EPC2: variants seen among roughly 807,000 people sequenced by gnomAD.
The protein encoded by EPC2 is enhancer of polycomb 2.
In EPC2, 14 loss-of-function variants were observed where a neutral mutation model predicts 92.1. That is an observed-to-expected ratio of 0.15 (90% CI 0.10 to 0.24). EPC2 has a LOEUF of 0.24. EPC2 is among the 10% of genes least tolerant of loss of function. The pLI is 1.00. For synonymous variants in EPC2, 340 were observed against 334.7 expected (o/e 1.02, Z -0.17); for missense variants, 755 against 971.5 (o/e 0.78, Z 2.96).
rs551012579 is a variant in EPC2, at chr2:148,681,540, C to T, written c.154-8674C>T. 1.4e-3 allele frequency among the ~76,000 whole-genome samples: 206 copies of T among 152,072 alleles called. 1 individual carries two copies. The highest frequency in any genetic ancestry group is 4.7e-3 in the African/African-American group (193 of 41,476). On this transcript the variant is annotated intron_variant, in intron 1 of 13. Transcript: ENST00000258484. Reference sequence around the variant, plus strand: ...GTTTTCTTAAAAACAGTTTTGACTGCGATCGACAATAAAAAACATTTTACA... The same window carrying T: ...GTTTTCTTAAAAACAGTTTTGACTGTGATCGACAATAAAAAACATTTTACA...
At chr2:148,683,824 C>T (rs1681460584) in intron 1 of EPC2, among the ~76,000 whole-genome samples, 1 of 152,192 alleles carries the variant, frequency 6.6e-6, no homozygotes, top group Admixed American at 6.5e-5. Flanking sequence ...AATTGTACTG[C>T]TGTAAATGCG....
intron 2 of EPC2, among the ~76,000 whole-genome samples, chr2:148,730,299 C>T (rs1682590938): frequency 6.6e-6 from 1 of 152,158 alleles, no homozygotes; most frequent in Admixed American, 6.5e-5. Flanking sequence ...GATTATGGTG[C>T]TTGGGTTGCT....
chr2:148,770,690 C>T, intron 8 of EPC2, 102 bp from the exon 9 acceptor site: 1 of 1,208,280 alleles, frequency 8.3e-7, no homozygotes, highest in Non-Finnish European at 1.1e-6. Context: ...TTTAATTGTT[C>T]TGCTAATGTT....
intron 2 of EPC2, among the ~76,000 whole-genome samples, chr2:148,703,884 T>C (rs530658765): frequency 3.8e-4 from 58 of 152,294 alleles, no homozygotes; most frequent in African/African-American, 1.4e-3. Flanking sequence ...TTAGAATGGC[T>C]ACTATCAAAA....
At chr2:148,694,254 T>G (rs997691943) in intron 2 of EPC2, among the ~76,000 whole-genome samples, 2 of 152,172 alleles carry the variant, frequency 1.3e-5, no homozygotes, top group African/African-American at 4.8e-5. Context: ...AACTGTTAAT[T>G]TAGCCCAAAA....
intron 2 of EPC2, among the ~76,000 whole-genome samples, chr2:148,700,404 G>A (rs959963835): frequency 1.2e-4 from 19 of 152,080 alleles, no homozygotes; most frequent in African/African-American, 4.6e-4. Flanking sequence ...TTTGTGAAGG[G>A]TATAAGTTCT....
Position 148,673,922 on chromosome 2 carries a change from A to G in EPC2, c.154-16292A>G, listed in dbSNP as rs1274373032. On this transcript the variant is annotated intron_variant, in intron 1 of 13. Transcript: ENST00000258484. ...TTTACTTGTCTATCATTGTTCTCTT[A>G]TAGTACATTGATCCTCTTTAAGACA... is the stretch of plus-strand genomic sequence containing the variant. Among the ~76,000 whole-genome samples the G allele has an allele frequency of 2.0e-5, 3 of 152,102 alleles. No individual in the cohort carries two copies. The East Asian group carries it at 5.8e-4, about 29-fold the overall frequency.
chr2:148,702,607 C>T (rs1012763924), intron 2 of EPC2, among the ~76,000 whole-genome samples: 1 of 152,148 alleles, frequency 6.6e-6, no homozygotes, highest in Admixed American at 6.6e-5. Context: ...GCCTAGTCTC[C>T]TGCAGTGAGA....
chr2:148,727,901 C>G (rs555141636), intron 2 of EPC2, among the ~76,000 whole-genome samples: 1 of 152,184 alleles, frequency 6.6e-6, no homozygotes, highest in Non-Finnish European at 1.5e-5. Flanking sequence ...ACTCTCCACT[C>G]CAACCACCCC....
intron 4 of EPC2, among the ~76,000 whole-genome samples, chr2:148,758,334 A>C (rs1432604943): frequency 6.6e-6 from 1 of 152,194 alleles, no homozygotes; most frequent in African/African-American, 2.4e-5. Flanking sequence ...TATTAAACTT[A>C]AGGGGGGAAG....
intron 8 of EPC2, among the ~76,000 whole-genome samples, chr2:148,770,113 A>G (rs1683487320): frequency 6.6e-6 from 1 of 152,136 alleles, no homozygotes; most frequent in African/African-American, 2.4e-5. Context: ...TGGTGCAATC[A>G]TACAGTTCAC....
At chr2:148,713,523 T>G (rs1028062698) in intron 2 of EPC2, among the ~76,000 whole-genome samples, 2 of 152,206 alleles carry the variant, frequency 1.3e-5, no homozygotes, top group African/African-American at 4.8e-5. Flanking sequence ...AAAAAATTTT[T>G]TTTAAGTTTA....
At chr2:148,734,867 A>G (rs756260833) in intron 2 of EPC2, among the ~76,000 whole-genome samples, 22 of 149,376 alleles carry the variant, frequency 1.5e-4, no homozygotes, top group Admixed American at 4.7e-4. Flanking sequence ...ATGTGTCAGT[A>G]GTTTGATCTT....
At position 148,754,283 on chromosome 2, in the gene EPC2, G is replaced by A. The variant is rs1683139292; in HGVS notation, c.666+150G>A. The A allele has an allele frequency of 1.2e-5, 8 of 690,238 alleles. No individual in the cohort carries two copies. In the Admixed American group the frequency reaches 2.4e-4, roughly 21 times the overall value. The allele number at this position is 690,238 out of a possible 1,614,324, so 42.8% of individuals were successfully genotyped here. A position where few individuals can be genotyped will look rare whatever the true frequency, so the allele number is the denominator to read the frequency against. On this transcript the variant is annotated intron_variant, in intron 4 of 13. Transcript: ENST00000258484. ...AAATCCTACTTTTCGTCTGATCCGT[G>A]GTCAGACACATTATCCATTGCGCCA...
At chr2:148,687,798 G>T (rs904461750) in intron 1 of EPC2, among the ~76,000 whole-genome samples, 8 of 152,164 alleles carry the variant, frequency 5.3e-5, no homozygotes, top group African/African-American at 1.9e-4. Context: ...TTTCCCGTTT[G>T]TTTTTATGTC....
chr2:148,777,159 CAA>C (rs1683663136), intron 10 of EPC2, among the ~76,000 whole-genome samples: 1 of 151,498 alleles, frequency 6.6e-6, no homozygotes, highest in Non-Finnish European at 1.5e-5. Context: ...TGCACCCAGC[CAA>C]AGACACTGTC....
chr2:148,664,702 C>T (rs1485061645), intron 1 of EPC2, among the ~76,000 whole-genome samples: 2 of 152,180 alleles, frequency 1.3e-5, no homozygotes, highest in Admixed American at 1.3e-4. Flanking sequence ...TAGTGGTTTG[C>T]ATTCTCTAGA....
At chr2:148,725,536 A>G (rs988008576) in intron 2 of EPC2, among the ~76,000 whole-genome samples, 9 of 152,148 alleles carry the variant, frequency 5.9e-5, no homozygotes, top group African/African-American at 2.2e-4. Context: ...AAAATCAGTC[A>G]GTTGTCATTG....
intron 2 of EPC2, among the ~76,000 whole-genome samples, chr2:148,697,667 G>A (rs1460988783): frequency 3.3e-5 from 5 of 151,974 alleles, no homozygotes. Context: ...GAACCACTAG[G>A]GCAGCAATAC....
Sources: allele counts gnomAD v4.1 joint callset (sites outside exome capture counted in the v4.1 genomes callset), GRCh38; gene constraint gnomAD v4.1.1; transcripts MANE v1.5; gene names NCBI Gene and HGNC (gene_info 2026-07-23, HGNC 2026-07-21).